Variants in LAPTM4A observed in about 807,000 individuals in gnomAD.
LAPTM4A encodes the protein lysosomal protein transmembrane 4 alpha, also known as lysosomal-associated transmembrane protein 4A.
Under a neutral mutation model 29.9 loss-of-function variants are expected in LAPTM4A, and 19 were observed. That is an observed-to-expected ratio of 0.64 (90% CI 0.44 to 0.93). LAPTM4A has a LOEUF of 0.93. LAPTM4A is among the 40% of genes least tolerant of loss of function. LAPTM4A has a pLI of 0.00. For synonymous variants in LAPTM4A, 105 were observed against 102.1 expected (o/e 1.03, Z -0.17); for missense variants, 293 against 288.5 (o/e 1.02, Z -0.11).
rs147442277 is a variant in LAPTM4A at position 20,035,498 on chromosome 2, A to G, written c.433-436T>C. ...GGGAAAATTATTTTTCTAAATGTCA[A>G]TCGTTTGTCTCAACTCTCATCAGAC... On this transcript the variant is annotated intron_variant, in intron 4 of 6. Transcript: ENST00000175091. Among the ~76,000 whole-genome samples, 89 of 152,326 alleles carry G rather than the reference A, an allele frequency of 5.8e-4. 1 individual carries two copies. In the East Asian group the frequency reaches 0.017, roughly 29 times the overall value.
In LAPTM4A at chr2:20,045,971, G is replaced by A. The variant is rs556686907; in HGVS notation, c.112-4960C>T. Reference sequence around the variant, plus strand: ...CAGAACTAAGCAAAGCCTGTTATCTGATAAAGATCAAAATTGACTATCTTT... The same window carrying A: ...CAGAACTAAGCAAAGCCTGTTATCTAATAAAGATCAAAATTGACTATCTTT... On this transcript the variant is annotated intron_variant, in intron 1 of 6. Coordinates refer to ENST00000175091, the MANE Select transcript of LAPTM4A (RefSeq NM_014713.5). 2.0e-5 allele frequency among the ~76,000 whole-genome samples: 3 copies of A among 152,254 alleles called. No individual in the cohort carries two copies. The South Asian group carries it at 6.2e-4, about 32-fold the overall frequency.
intron 2 of LAPTM4A, among the ~76,000 whole-genome samples, chr2:20,037,982 G>A (rs1307085476): frequency 1.3e-5 from 2 of 152,062 alleles, no homozygotes; most frequent in Non-Finnish European, 2.9e-5. Context: ...CTACAACAGA[G>A]GCAGAAACAA....
At chr2:20,037,709 T>A in intron 2 of LAPTM4A, 95 bp from the exon 3 acceptor site, 1 of 725,140 alleles carries the variant, frequency 1.4e-6, no homozygotes. Flanking sequence ...TAAATTTAAA[T>A]ATTTTCAAAA....
chr2:20,033,281 TAA>T lies in LAPTM4A; in HGVS notation c.628-4_628-3del, dbSNP rs760502673. The T allele has an allele frequency of 6.2e-7, 1 of 1,611,650 alleles. No individual in the cohort carries two copies. Among genetic ancestry groups the T allele is most frequent in the African/African-American group, 1.3e-5 (1 of 74,996 alleles). On this transcript the variant is annotated splice_polypyrimidine_tract_variant and splice_region_variant and intron_variant, in intron 6 of 6. Transcript: ENST00000175091. ...CATTTCATAGGTTGGCAAAACGTAC[TAA>T]AGAGAGAAAAAAAATTGTATCAGAT...
chr2:20,032,947 T>G lies in LAPTM4A; in HGVS notation c.*258A>C. 1 of 447,358 alleles carries G rather than the reference T, an allele frequency of 2.2e-6. No individual in the cohort carries two copies. Among genetic ancestry groups the G allele is most frequent in the Non-Finnish European group, 4.0e-6 (1 of 250,434 alleles). 27.7% of individuals were successfully genotyped at this position (447,358 alleles called of 1,614,324 possible). ...CCCTCTTTCCCTTCCCACCCCCCAA[T>G]TAAAGGCAAACAATGGCACTTTGCT... On this transcript the variant is annotated 3_prime_UTR_variant, in exon 7 of 7. Transcript: ENST00000175091.
In LAPTM4A at chr2:20,051,574, G is replaced by A. The variant is rs1674076265; in HGVS notation, c.-54C>T. 5.1e-6 allele frequency: 6 copies of A among 1,171,048 alleles called. No homozygotes were observed. The highest frequency in any genetic ancestry group is 2.2e-5 in the Admixed American group (1 of 46,470). The allele number at this position is 1,171,048 out of a possible 1,614,324, so 72.5% of individuals were successfully genotyped here. On this transcript the variant is annotated 5_prime_UTR_variant, in exon 1 of 7. Transcript: ENST00000175091. Reference sequence around the variant, plus strand: ...GGCCCCTGACAAACGTTCTCCACCCGCAGCCAAACTCAAACGGCTGTTTCA... The same window carrying A: ...GGCCCCTGACAAACGTTCTCCACCCACAGCCAAACTCAAACGGCTGTTTCA...
At position 20,040,965 on chromosome 2, in the gene LAPTM4A, T is replaced by C. The variant is rs984798581; in HGVS notation, c.158A>G (p.His53Arg). ...GTTGACAGCTGGCATGGAGTTTGGA[T>C]GAGTCACTTCCACAGTCAGCAAAAT... is the stretch of plus-strand genomic sequence containing the variant. The part of the protein sequence containing the change: ...MAILLTVEVT[H>R]PNSMPAVNIQ... Residue 53 changes from histidine (H) to arginine (R), a missense_variant, in exon 2 of 7, where the codon CAT (histidine) becomes CGT (arginine). Physicochemically the swap from His to Arg is conservative, Grantham distance 29. Coordinates refer to ENST00000175091, the MANE Select transcript of LAPTM4A (RefSeq NM_014713.5). 1 of 1,613,454 alleles carries C rather than the reference T, an allele frequency of 6.2e-7. No homozygotes were observed. The highest frequency in any genetic ancestry group is 1.1e-5 in the South Asian group (1 of 91,070).
intron 1 of LAPTM4A, among the ~76,000 whole-genome samples, chr2:20,041,727 G>T (rs1425957450): frequency 1.3e-5 from 2 of 152,154 alleles, no homozygotes; most frequent in African/African-American, 2.4e-5. Context: ...TAGAGACGGG[G>T]TTTCACTATG....
At chr2:20,034,171 TG>T in intron 6 of LAPTM4A, 145 bp downstream of exon 6, 1 of 671,496 alleles carries the variant, frequency 1.5e-6, no homozygotes, top group Non-Finnish European at 2.7e-6. Context: ...TTGAATCCTG[TG>T]GATTTTAAGC....
chr2:20,042,628 T>C (rs1673823672), intron 1 of LAPTM4A, among the ~76,000 whole-genome samples: 1 of 152,218 alleles, frequency 6.6e-6, no homozygotes, highest in Non-Finnish European at 1.5e-5. Flanking sequence ...TTTAGCTCTT[T>C]AGAGGAACAG....
At chr2:20,046,113 T>A (rs1031078667) in intron 1 of LAPTM4A, among the ~76,000 whole-genome samples, 1 of 152,196 alleles carries the variant, frequency 6.6e-6, no homozygotes, top group Admixed American at 6.5e-5. Flanking sequence ...AAACACCGCA[T>A]GTTCTCACTC....
intron 1 of LAPTM4A, among the ~76,000 whole-genome samples, chr2:20,049,926 C>T (rs1489071483): frequency 3.9e-5 from 6 of 152,142 alleles, no homozygotes; most frequent in Admixed American, 2.0e-4. Flanking sequence ...AAATGAGACC[C>T]AGCCCCTCAG....
intron 4 of LAPTM4A, among the ~76,000 whole-genome samples, chr2:20,036,669 C>T (rs1458366491): frequency 6.6e-6 from 1 of 152,062 alleles, no homozygotes; most frequent in Non-Finnish European, 1.5e-5. Flanking sequence ...GATACTCCTG[C>T]CAATTTTCAT....
intron 1 of LAPTM4A, among the ~76,000 whole-genome samples, chr2:20,045,830 A>G (rs1673906754): frequency 6.6e-6 from 1 of 152,156 alleles, no homozygotes; most frequent in African/African-American, 2.4e-5. Flanking sequence ...TCCCACAGTA[A>G]TTTGCCCAGA....
chr2:20,037,911 C>G (rs948248549), intron 2 of LAPTM4A, among the ~76,000 whole-genome samples: 1 of 152,076 alleles, frequency 6.6e-6, no homozygotes, highest in Non-Finnish European at 1.5e-5. Flanking sequence ...TCCCTGTGCC[C>G]TTATGAGCCC....
At position 20,034,423 on chromosome 2, in the gene LAPTM4A, A is replaced by G. The variant is rs1673638288; in HGVS notation, c.529-8T>C. 1.3e-6 allele frequency: 2 copies of G among 1,586,486 alleles called. No individual in the cohort carries two copies. Among genetic ancestry groups the G allele is most frequent in the Non-Finnish European group, 1.7e-6 (2 of 1,154,892 alleles). ...ACAGTTAATTAGATAAGCCTGGAAG[A>G]ATAAAAACAAAGTTGACATCTGCTA... On this transcript the variant is annotated splice_region_variant and splice_polypyrimidine_tract_variant and intron_variant, in intron 5 of 6. Transcript: ENST00000175091.
intron 1 of LAPTM4A, among the ~76,000 whole-genome samples, chr2:20,044,044 C>G (rs1012018135): frequency 6.6e-6 from 1 of 152,216 alleles, no homozygotes; most frequent in Non-Finnish European, 1.5e-5. Context: ...AGCAGCAAGC[C>G]TCTTTCCTTG....
chr2:20,036,636 C>T (rs1673682535), intron 4 of LAPTM4A, among the ~76,000 whole-genome samples: 1 of 152,218 alleles, frequency 6.6e-6, no homozygotes, highest in Non-Finnish European at 1.5e-5. Flanking sequence ...TTCTGAAAGA[C>T]AGCACTTTGG....
rs1299305698 is a variant in LAPTM4A at position 20,033,263 on chromosome 2, T to C, written c.644A>G (p.Tyr215Cys). 6 of 1,613,986 alleles carry C rather than the reference T, an allele frequency of 3.7e-6. No homozygotes were observed. The South Asian group carries it at 6.6e-5, about 18-fold the overall frequency. ...TTCAGGCATTTTCACGGCCATTTCA[T>C]AGGTTGGCAAAACGTACTAAAGAGA... ...EAPPQYVLPT[Y>C]EMAVKMPEKE... The change falls in exon 7 of 7, where the codon TAT (tyrosine) becomes TGT (cysteine). Residue 215 changes from tyrosine to cysteine, a missense_variant. By Grantham distance (194) the Tyr-to-Cys change is radical. Coordinates refer to ENST00000175091, the MANE Select transcript of LAPTM4A (RefSeq NM_014713.5).
Sources: gnomAD v4.1 joint callset for allele counts (sites outside exome capture counted in the v4.1 genomes callset) on GRCh38, gnomAD v4.1.1 for gene constraint, MANE v1.5 for transcripts, NCBI Gene and HGNC (gene_info 2026-07-23, HGNC 2026-07-21) for gene names.